The following PREX1 variants were observed in gnomAD, a reference collection of about 807,000 sequenced individuals.
PREX1 encodes phosphatidylinositol 3,4,5-trisphosphate-dependent Rac exchanger 1 protein.
In PREX1, 41 loss-of-function variants were observed where a neutral mutation model predicts 198.3. The ratio of observed to expected loss-of-function variants is 0.21; its 90% CI spans 0.16 to 0.27. The LOEUF is 0.27. Among genes scored for constraint, PREX1 ranks in the 10% least tolerant of loss-of-function variants. PREX1 has a pLI of 1.00. For missense variants in PREX1, 1,620 were observed against 2,200.7 expected, an observed-to-expected ratio of 0.74 and a Z score of 5.28; for synonymous variants, 843 against 887.2, an observed-to-expected ratio of 0.95 and a Z score of 0.89.
At chr20:48,703,058 G>A (rs1199342535) in intron 6 of PREX1, among the ~76,000 whole-genome samples, 2 of 152,206 alleles carry the variant, frequency 1.3e-5, no homozygotes, top group East Asian at 1.9e-4. Context: ...CCAACATGGA[G>A]CTCCTACCCC....
the PREX1 span, among the ~76,000 whole-genome samples, chr20:48,862,790 A>AGCCTAAAAAAAAAAAAATAT: frequency 9.7e-6 from 1 of 102,584 alleles, no homozygotes; most frequent in Non-Finnish European, 1.9e-5. Context: ...TAAAAAAAAA[A>AGCCTAAAAAAAAAAAAATAT]ATATATATAT....
At chr20:48,744,577 G>A (rs2090099172) in intron 3 of PREX1, among the ~76,000 whole-genome samples, 1 of 152,224 alleles carries the variant, frequency 6.6e-6, no homozygotes, top group Non-Finnish European at 1.5e-5. Context: ...ACAAGCGTCA[G>A]CCTCTCTGAC....
In PREX1 at chr20:48,688,773, G is replaced by A. The variant is rs374852989; in HGVS notation, c.1218C>T (p.Tyr406=). Residue 406 remains tyrosine, a synonymous_variant, in exon 10 of 40, where the codon TAC becomes TAT. Transcript: ENST00000371941. ...TCTCCCCCTTCTCCGCAATCATGAC[G>A]TAGGCATCACGCTCCATGCCCAGCT... ...SLKLGMERDA[Y]VMIAEKGEKL... is the part of the protein sequence containing the mutation. 3.0e-5 allele frequency: 48 copies of A among 1,614,016 alleles called. No homozygotes were observed. Among genetic ancestry groups the A allele is most frequent in the South Asian group, 1.8e-4 (16 of 91,090 alleles).
intron 1 of PREX1, among the ~76,000 whole-genome samples, chr20:48,796,623 T>C (rs927330681): frequency 6.6e-6 from 1 of 151,384 alleles, no homozygotes; most frequent in Non-Finnish European, 1.5e-5. Flanking sequence ...TATATTTATA[T>C]GTGTACATAT....
intron 1 of PREX1, among the ~76,000 whole-genome samples, chr20:48,806,871 G>A (rs547102414): frequency 6.6e-6 from 1 of 152,358 alleles, no homozygotes; most frequent in Non-Finnish European, 1.5e-5. Flanking sequence ...TGCCAGTATG[G>A]AGGGCTGGGG....
At chr20:48,849,365 T>C in the PREX1 span, 1 of 152,216 alleles carries the variant, frequency 6.6e-6, no homozygotes, top group Non-Finnish European at 1.5e-5. Context: ...TATGGATATA[T>C]ATATAGTATT....
intron 1 of PREX1, among the ~76,000 whole-genome samples, chr20:48,769,156 C>T (rs183403890): frequency 2.0e-5 from 3 of 152,276 alleles, no homozygotes; most frequent in African/African-American, 7.2e-5. Context: ...GCCAAAGAGA[C>T]GAGCCACCCT....
chr20:48,699,490 C>T (rs1210809448), intron 7 of PREX1, among the ~76,000 whole-genome samples: 2 of 152,118 alleles, frequency 1.3e-5, no homozygotes, highest in Non-Finnish European at 2.9e-5. Context: ...CCAGCTACTA[C>T]AGTCATCCAA....
At chr20:48,801,014 A>C (rs1286256980) in intron 1 of PREX1, among the ~76,000 whole-genome samples, 3 of 152,206 alleles carry the variant, frequency 2.0e-5, no homozygotes, top group African/African-American at 7.2e-5. Flanking sequence ...TCTGCCACTT[A>C]CTAGCTGGGT....
At chr20:48,680,064 T>C (rs2089739271) in intron 11 of PREX1, among the ~76,000 whole-genome samples, 1 of 152,172 alleles carries the variant, frequency 6.6e-6, no homozygotes, top group Admixed American at 6.5e-5. Context: ...TGATCCAGCC[T>C]GCACTGGGAC....
intron 6 of PREX1, among the ~76,000 whole-genome samples, chr20:48,702,728 C>T (rs563450348): frequency 7.9e-5 from 12 of 152,340 alleles, no homozygotes; most frequent in East Asian, 1.9e-4. Flanking sequence ...TCTGACTGTC[C>T]GCCTCTGCAC....
At chr20:48,759,842 C>T (rs1196649725) in intron 1 of PREX1, among the ~76,000 whole-genome samples, 1 of 152,130 alleles carries the variant, frequency 6.6e-6, no homozygotes, top group Non-Finnish European at 1.5e-5. Context: ...TGTGAGCTCA[C>T]ACCTGTAATC....
chr20:48,857,642 G>A, the PREX1 span, among the ~76,000 whole-genome samples: 2 of 152,118 alleles, frequency 1.3e-5, no homozygotes, highest in African/African-American at 4.8e-5. Context: ...GCATGGTGGT[G>A]CATGCCTGTG....
rs552903009 is a variant in PREX1 at position 48,671,753 on chromosome 20, C to T, written c.1665+4440G>A. Among the ~76,000 whole-genome samples the T allele has an allele frequency of 5.3e-5, 8 of 152,266 alleles. No homozygotes were observed. In the East Asian group the frequency reaches 1.2e-3, roughly 22 times the overall value. On this transcript the variant is annotated intron_variant, in intron 14 of 39. Coordinates refer to ENST00000371941, the MANE Select transcript of PREX1 (RefSeq NM_020820.4). ...TCTCTCCCGCACAGAAAGACCCACG[C>T]GGGCACACCCTCCTCCCCTTTCCCT...
At chr20:48,800,750 C>T (rs1260771467) in intron 1 of PREX1, among the ~76,000 whole-genome samples, 3 of 152,140 alleles carry the variant, frequency 2.0e-5, no homozygotes, top group African/African-American at 7.2e-5. Flanking sequence ...ATACTGAACA[C>T]GGGCCTTTAT....
upstream of PREX1, among the ~76,000 whole-genome samples, chr20:48,828,257 C>G (rs1337827837): frequency 2.0e-5 from 3 of 151,714 alleles, no homozygotes; most frequent in East Asian, 1.9e-4. Flanking sequence ...CCCGCGGAGC[C>G]GGGAGTCCGA....
chr20:48,677,842 C>T (rs2123008105), intron 13 of PREX1, among the ~76,000 whole-genome samples: 1 of 151,368 alleles, frequency 6.6e-6, no homozygotes, highest in East Asian at 2.0e-4. Flanking sequence ...AGAAATTACC[C>T]AGGCATGGTG....
chr20:48,634,097 T>TGGACGGAC (rs1396187896), intron 33 of PREX1, among the ~76,000 whole-genome samples: 2 of 116,610 alleles, frequency 1.7e-5, no homozygotes, highest in South Asian at 5.9e-4. Context: ...GATGGATGGA[T>TGGACGGAC]GGATGCATGG....
chr20:48,719,830 C>G (rs1187049800), intron 5 of PREX1, among the ~76,000 whole-genome samples: 1 of 152,154 alleles, frequency 6.6e-6, no homozygotes, highest in Non-Finnish European at 1.5e-5. Context: ...CCATCCTCCA[C>G]ACACAGCCAG....
Sources: gnomAD v4.1 joint callset for allele counts (sites outside exome capture counted in the v4.1 genomes callset) on GRCh38, gnomAD v4.1.1 for gene constraint, MANE v1.5 for transcripts, NCBI Gene and HGNC (gene_info 2026-07-23, HGNC 2026-07-21) for gene names.